The following MACROD2 variants were observed in gnomAD, a reference collection of about 807,000 sequenced individuals.
The protein encoded by MACROD2 is ADP-ribose glycohydrolase MACROD2.
Under a neutral mutation model 70.4 loss-of-function variants are expected in MACROD2, and 36 were observed. That is an observed-to-expected ratio of 0.51 (90% CI 0.39 to 0.68). The LOEUF (loss-of-function observed/expected upper bound fraction) is 0.68, where lower values mean the gene tolerates loss of function less well. Among genes scored for constraint, MACROD2 ranks in the 30% least tolerant of loss-of-function variants. MACROD2 has a pLI of 0.00. For synonymous variants in MACROD2, 172 were observed against 178.8 expected, an observed-to-expected ratio of 0.96 and a Z score of 0.30; for missense variants, 496 against 538.4, an observed-to-expected ratio of 0.92 and a Z score of 0.78.
intron 3 of MACROD2, among the ~76,000 whole-genome samples, chr20:14,218,875 G>A (rs986773542): frequency 6.6e-6 from 1 of 152,176 alleles, no homozygotes; most frequent in Admixed American, 6.5e-5. Context: ...ATTGCTTTTA[G>A]CCTGTAGGGT....
intron 5 of MACROD2, chr20:14,935,125 T>TCACACACACACACACA (rs112374854): frequency 6.7e-6 from 1 of 149,468 alleles, no homozygotes; most frequent in African/African-American, 2.5e-5. Context: ...ATCCTATATT[T>TCACACACACACACACA]CACACACACA....
At chr20:15,022,800 A>G (rs1377452582) in intron 5 of MACROD2, 1 of 152,190 alleles carries the variant, frequency 6.6e-6, no homozygotes, top group African/African-American at 2.4e-5. Flanking sequence ...CCACCTAGCC[A>G]TCTCTTCCTC....
Position 14,712,816 on chromosome 20 carries a change from C to A in MACROD2, c.418+27857C>A, listed in dbSNP as rs369608939. On this transcript the variant is annotated intron_variant, in intron 5 of 17. Transcript: ENST00000684519. ...GAATACAATAGGAGGATTAATGGCT[C>A]AGAGCAGAAATGTTTGCTTGTTGGA... is the stretch of plus-strand genomic sequence containing the variant. Among the ~76,000 whole-genome samples the A allele has an allele frequency of 2.0e-4, 31 of 152,132 alleles. 1 individual carries two copies. In the South Asian group the frequency reaches 4.1e-3, roughly 20 times the overall value.
chr20:14,713,732 A>G (rs1400246596), intron 5 of MACROD2, among the ~76,000 whole-genome samples: 1 of 152,240 alleles, frequency 6.6e-6, no homozygotes, highest in Non-Finnish European at 1.5e-5. Context: ...TTAGATAAAG[A>G]GATAAAACAT....
At chr20:15,480,094 A>G (rs1419508078) in intron 7 of MACROD2, among the ~76,000 whole-genome samples, 3 of 152,232 alleles carry the variant, frequency 2.0e-5, no homozygotes, top group African/African-American at 7.2e-5. Context: ...TGCTAATGAT[A>G]TAAAGTCCTT....
In MACROD2 at chr20:15,529,699, A is replaced by G. The variant is rs1399524519; in HGVS notation, c.645+29852A>G. ...TATGTTGTATAACCTTTCAAAAAAC[A>G]AATCAAATGAATCAGATGTTTGACA... On this transcript the variant is annotated intron_variant, in intron 8 of 17. Transcript: ENST00000684519. Among the ~76,000 whole-genome samples, 5 of 152,262 alleles carry G rather than the reference A, an allele frequency of 3.3e-5. No homozygotes were observed. In the East Asian group the frequency reaches 9.6e-4, roughly 29 times the overall value.
At chr20:14,059,642 A>G (rs1277075651) in intron 2 of MACROD2, among the ~76,000 whole-genome samples, 1 of 152,212 alleles carries the variant, frequency 6.6e-6, no homozygotes, top group Non-Finnish European at 1.5e-5. Flanking sequence ...GGGTTAGCCA[A>G]TGCCCTGATG....
At chr20:15,587,421 T>C (rs1162182206) in intron 8 of MACROD2, among the ~76,000 whole-genome samples, 4 of 152,162 alleles carry the variant, frequency 2.6e-5, no homozygotes, top group Non-Finnish European at 4.4e-5. Context: ...CCAAATCTCA[T>C]GTCCTCACGT....
chr20:14,385,929 G>A (rs924645028), intron 3 of MACROD2, among the ~76,000 whole-genome samples: 1 of 152,098 alleles, frequency 6.6e-6, no homozygotes, highest in African/African-American at 2.4e-5. Flanking sequence ...CATGTTATTA[G>A]CATTAAAGAA....
At chr20:14,365,822 A>G (rs1600165139) in intron 3 of MACROD2, among the ~76,000 whole-genome samples, 2 of 152,074 alleles carry the variant, frequency 1.3e-5, no homozygotes, top group Admixed American at 1.3e-4. Flanking sequence ...ATTTTATTTT[A>G]GGATATTTTC....
At chr20:14,213,679 C>G (rs2081590133) in intron 3 of MACROD2, among the ~76,000 whole-genome samples, 1 of 152,028 alleles carries the variant, frequency 6.6e-6, no homozygotes, top group Non-Finnish European at 1.5e-5. Flanking sequence ...AATCAACTCT[C>G]TATGGACTGG....
chr20:15,693,992 C>G (rs2050332211), intron 8 of MACROD2, among the ~76,000 whole-genome samples: 1 of 152,132 alleles, frequency 6.6e-6, no homozygotes, highest in South Asian at 2.1e-4. Flanking sequence ...TGAGTTACTT[C>G]ACTTAGAATA....
rs191322693 is a variant in MACROD2 at position 15,080,758 on chromosome 20, A to G, written c.419-149182A>G. 2.3e-3 allele frequency among the ~76,000 whole-genome samples: 352 copies of G among 152,250 alleles called. 3 individuals carry two copies. Among genetic ancestry groups the G allele is most frequent in the African/African-American group, 7.7e-3 (320 of 41,580 alleles). On this transcript the variant is annotated intron_variant, in intron 5 of 17. Coordinates refer to ENST00000684519, the MANE Select transcript of MACROD2 (RefSeq NM_001351661.2). Reference sequence around the variant, plus strand: ...AAGCATAACATGTTCGAAAAGAACTATGAGTGTCCAAAATTCACCATTCCC... The same window carrying G: ...AAGCATAACATGTTCGAAAAGAACTGTGAGTGTCCAAAATTCACCATTCCC...
intron 2 of MACROD2, among the ~76,000 whole-genome samples, chr20:14,010,241 G>A (rs185896436): frequency 6.6e-6 from 1 of 152,136 alleles, no homozygotes; most frequent in African/African-American, 2.4e-5. Context: ...TAGAGAAAAA[G>A]TGCTATTAAG....
chr20:14,743,421 A>G (rs778119264), intron 5 of MACROD2, among the ~76,000 whole-genome samples: 22 of 149,310 alleles, frequency 1.5e-4, no homozygotes, highest in Non-Finnish European at 3.2e-4. Flanking sequence ...ATTTAATCAG[A>G]CAGAGATGTG....
At chr20:15,063,750 A>G (rs1383086217) in intron 5 of MACROD2, among the ~76,000 whole-genome samples, 3 of 152,114 alleles carry the variant, frequency 2.0e-5, no homozygotes, top group Non-Finnish European at 4.4e-5. Flanking sequence ...GATGTTTCCT[A>G]CCTTATGCTA....
Position 14,151,811 on chromosome 20 carries a change from C to CTTTT in MACROD2, c.271+66108_271+66111dup, listed in dbSNP as rs144065987. ...GGTAATTGGCCTTGTTGTATTGTAT[C>CTTTT]TTTTTTTTTTTTTTTTTTTTTTTTT... On this transcript the variant is annotated intron_variant, in intron 3 of 17. Coordinates refer to ENST00000684519, the MANE Select transcript of MACROD2 (RefSeq NM_001351661.2). 2.2e-4 allele frequency among the ~76,000 whole-genome samples: 13 copies of CTTTT among 59,214 alleles called. 2 individuals carry two copies. The highest frequency in any genetic ancestry group is 3.0e-4 in the Non-Finnish European group (10 of 33,382). The allele number at this position is 59,214 out of a possible 152,430, so 38.8% of individuals were successfully genotyped here.
At chr20:15,413,688 T>A (rs1018117756) in intron 6 of MACROD2, among the ~76,000 whole-genome samples, 1 of 152,166 alleles carries the variant, frequency 6.6e-6, no homozygotes, top group Non-Finnish European at 1.5e-5. Context: ...GGAGACAAAA[T>A]TCATATGTTT....
rs2148649665 is a variant in MACROD2 at position 14,052,252 on chromosome 20, G to C, written c.164-33369G>C. On this transcript the variant is annotated intron_variant, in intron 2 of 17. Transcript: ENST00000684519. ...ACTTTTCTGTCATCTTCATAACTAAGTTGTATCAGAGTTTTCGAATTGCAG... is the reference window on the plus strand; with the variant it reads ...ACTTTTCTGTCATCTTCATAACTAACTTGTATCAGAGTTTTCGAATTGCAG... Among the ~76,000 whole-genome samples, 3 of 152,028 alleles carry C rather than the reference G, an allele frequency of 2.0e-5. No homozygotes were observed. In the South Asian group the frequency reaches 6.2e-4, roughly 32 times the overall value.
Sources: allele counts gnomAD v4.1 joint callset (sites outside exome capture counted in the v4.1 genomes callset), GRCh38; gene constraint gnomAD v4.1.1; transcripts MANE v1.5; gene names NCBI Gene and HGNC (gene_info 2026-07-23, HGNC 2026-07-21).